UNC93A: variants seen among roughly 807,000 people sequenced by gnomAD.
The protein encoded by UNC93A is N-acetylglucosamine transporter UNC93A.
UNC93A carries 43 observed loss-of-function variants against 47.5 expected under a neutral mutation model. The ratio of observed to expected loss-of-function variants is 0.91; its 90% confidence interval spans 0.71 to 1.17. The LOEUF is 1.17. Ranked by LOEUF, UNC93A falls within the 50% of genes most tolerant of loss-of-function variation. UNC93A has a pLI of 0.00. For synonymous variants in UNC93A, 280 were observed against 258.0 expected (o/e 1.09, Z -0.82); for missense variants, 605 against 577.6 (o/e 1.05, Z -0.49).
chr6:167,269,145 C>G (rs990709528), upstream of UNC93A, among the ~76,000 whole-genome samples: 3 of 152,192 alleles, frequency 2.0e-5, no homozygotes, highest in Non-Finnish European at 4.4e-5. Flanking sequence ...GCTGGGAAAA[C>G]CCAGCGAGAT....
chr6:167,306,624 G>C (rs1778400906), intron 6 of UNC93A, among the ~76,000 whole-genome samples: 1 of 152,242 alleles, frequency 6.6e-6, no homozygotes, highest in Non-Finnish European at 1.5e-5. Flanking sequence ...GGCAGGGCTG[G>C]GTGTGGGGGC....
rs200250471 is a variant in UNC93A, at chr6:167,294,714, C to A, written c.269+16C>A. On this transcript the variant is annotated intron_variant, in intron 2 of 7. Coordinates refer to ENST00000230256, the MANE Select transcript of UNC93A (RefSeq NM_018974.4). ...TCGCCAGCTGGTACGCAGCCACCAC[C>A]CCCTGCCCACCCCACCCCGGCCGTT... 31 of 1,572,254 alleles carry A rather than the reference C, an allele frequency of 2.0e-5. No homozygotes were observed. The highest frequency in any genetic ancestry group is 2.6e-5 in the Non-Finnish European group (30 of 1,154,970).
chr6:167,307,636 A>G (rs1225063708), intron 6 of UNC93A, 143 bp from the exon 7 acceptor site: 1 of 980,190 alleles, frequency 1.0e-6, no homozygotes, highest in Non-Finnish European at 1.5e-6. Flanking sequence ...GACGGTTGAG[A>G]TGGTTGAGAT....
At position 167,305,912 on chromosome 6, in the gene UNC93A, C is replaced by T; in HGVS notation, c.841-3C>T. 1 of 1,614,136 alleles carries T rather than the reference C, an allele frequency of 6.2e-7. No homozygotes were observed. On this transcript the variant is annotated splice_region_variant and splice_polypyrimidine_tract_variant and intron_variant, in intron 5 of 7. Coordinates refer to ENST00000230256, the MANE Select transcript of UNC93A (RefSeq NM_018974.4). ...TGACGTGGCTCTGCACCCCTCTCCC[C>T]AGTCCTATGTCACCTGCACCCTGGG...
At chr6:167,303,040 C>T (rs9364907) in intron 4 of UNC93A, among the ~76,000 whole-genome samples, 39,471 of 151,946 alleles carry the variant, frequency 0.26, 5,169 homozygotes, top group Middle Eastern at 0.32. Flanking sequence ...AGTGAAAATC[C>T]GTGGTACATG....
chr6:167,282,287 A>T (rs1783647010), intron 1 of UNC93A, among the ~76,000 whole-genome samples: 2 of 152,082 alleles, frequency 1.3e-5, no homozygotes, highest in Admixed American at 6.5e-5. Context: ...GAGAGAGTGG[A>T]GGCCTGCAGG....
chr6:167,271,043 G>C (rs530491308), upstream of UNC93A: 1 of 152,396 alleles, frequency 6.6e-6, no homozygotes, highest in African/African-American at 2.4e-5. Context: ...ATGGGTTCCC[G>C]CAGTGTGTTC....
At chr6:167,302,817 C>G (rs926346881) in intron 4 of UNC93A, among the ~76,000 whole-genome samples, 6 of 152,150 alleles carry the variant, frequency 3.9e-5, no homozygotes, top group African/African-American at 1.4e-4. Flanking sequence ...GCTTCAGTGA[C>G]CTGAGGCTAG....
upstream of UNC93A, among the ~76,000 whole-genome samples, chr6:167,269,150 C>T (rs903230117): frequency 6.6e-6 from 1 of 152,172 alleles, no homozygotes; most frequent in African/African-American, 2.4e-5. Context: ...GAAAACCCAG[C>T]GAGATGAGCG....
At chr6:167,275,680 C>T (rs1783527660) in intron 1 of UNC93A, among the ~76,000 whole-genome samples, 1 of 152,254 alleles carries the variant, frequency 6.6e-6, no homozygotes, top group Admixed American at 6.5e-5. Flanking sequence ...CCAGCAGGTT[C>T]TGCCCAGTCA....
intron 1 of UNC93A, among the ~76,000 whole-genome samples, chr6:167,285,044 A>G (rs564303347): frequency 0.019 from 2,847 of 152,296 alleles, 57 homozygotes; most frequent in African/African-American, 0.065. Context: ...CTGTGCCAGC[A>G]TAAGCCAACC....
chr6:167,273,611 C>T (rs1212367789), intron 1 of UNC93A, among the ~76,000 whole-genome samples: 2 of 152,150 alleles, frequency 1.3e-5, no homozygotes, highest in African/African-American at 2.4e-5. Flanking sequence ...GTGACACAGT[C>T]CTCAGGAGAC....
upstream of UNC93A, among the ~76,000 whole-genome samples, chr6:167,288,722 C>T (rs536035812): frequency 5.3e-5 from 8 of 152,318 alleles, no homozygotes; most frequent in East Asian, 1.5e-3. Flanking sequence ...GGGTAGACTT[C>T]CCTTAAATTA....
At chr6:167,288,084 T>C (rs426952), upstream of UNC93A, among the ~76,000 whole-genome samples, 4 of 152,148 alleles carry the variant, frequency 2.6e-5, no homozygotes, top group East Asian at 3.9e-4. Context: ...CCAGCAGCTT[T>C]AACCACACCG....
chr6:167,272,334 C>T (rs1175162321), intron 1 of UNC93A, among the ~76,000 whole-genome samples: 2 of 152,192 alleles, frequency 1.3e-5, no homozygotes, highest in Admixed American at 1.3e-4. Flanking sequence ...TGCTCCCGGT[C>T]CCAGTGACGT....
rs112302123 is a variant in UNC93A, at chr6:167,294,292, C to T, written c.88-225C>T. Among the ~76,000 whole-genome samples the T allele has an allele frequency of 4.7e-3, 717 of 152,290 alleles. 5 individuals are homozygous for T. Among genetic ancestry groups the T allele is most frequent in the African/African-American group, 7.4e-3 (306 of 41,548 alleles). ...CCGGCGCAAGCACTCACAGGGGTGC[C>T]GGGCCTTCACTCCCTGATGTTTAGA... is the stretch of plus-strand genomic sequence containing the variant. On this transcript the variant is annotated intron_variant, in intron 1 of 7. Transcript: ENST00000230256.
chr6:167,290,574 C>G (rs2115106917), upstream of UNC93A, among the ~76,000 whole-genome samples: 1 of 152,332 alleles, frequency 6.6e-6, no homozygotes, highest in South Asian at 2.1e-4. Flanking sequence ...CTTACCCCGT[C>G]TAATACAGTT....
upstream of UNC93A, among the ~76,000 whole-genome samples, chr6:167,289,879 G>A (rs570676157): frequency 2.0e-5 from 3 of 152,214 alleles, no homozygotes; most frequent in African/African-American, 7.2e-5. Flanking sequence ...TCCACATTAT[G>A]CTAATTTCTT....
intron 1 of UNC93A, among the ~76,000 whole-genome samples, chr6:167,274,315 T>C (rs1012189311): frequency 6.6e-6 from 1 of 152,194 alleles, no homozygotes; most frequent in African/African-American, 2.4e-5. Context: ...TTGACCCTCC[T>C]TCCATCTGGT....
Sources: gnomAD v4.1 joint callset for allele counts (sites outside exome capture counted in the v4.1 genomes callset) on GRCh38, gnomAD v4.1.1 for gene constraint, MANE v1.5 for transcripts, NCBI Gene and HGNC (gene_info 2026-07-23, HGNC 2026-07-21) for gene names.